The following MYH11 variants were observed in gnomAD, a reference collection of about 807,000 sequenced individuals.
MYH11 encodes myosin-11.
In MYH11, 80 loss-of-function variants were observed where a neutral mutation model predicts 246.6. That is an observed-to-expected ratio of 0.32 (90% confidence interval 0.27 to 0.39). The LOEUF (loss-of-function observed/expected upper bound fraction) is 0.39, where lower values mean the gene tolerates loss of function less well. Among genes scored for constraint, MYH11 ranks in the 10% least tolerant of loss-of-function variants. The pLI is 1.00. For synonymous variants in MYH11, 1,071 were observed against 1,015.5 expected (o/e 1.05, Z -1.04); for missense variants, 2,158 against 2,546.8 (o/e 0.85, Z 3.29).
At chr16:15,796,219 T>A (rs116516726) in intron 4 of MYH11, among the ~76,000 whole-genome samples, 2,767 of 152,314 alleles carry the variant, frequency 0.018, 82 homozygotes, top group African/African-American at 0.061. Flanking sequence ...AGTTCTGCAA[T>A]ATACTTGCCA....
intron 15 of MYH11, among the ~76,000 whole-genome samples, chr16:15,751,155 TA>T (rs72257222): frequency 7.8e-6 from 1 of 127,570 alleles, no homozygotes; most frequent in African/African-American, 2.7e-5. Context: ...TTATTATTAT[TA>T]TTATCATTAT....
At chr16:15,723,569 C>G (rs1378042422) in intron 31 of MYH11, among the ~76,000 whole-genome samples, 2 of 152,196 alleles carry the variant, frequency 1.3e-5, no homozygotes, top group East Asian at 3.8e-4. Context: ...ATCGCTTGAA[C>G]CCAGTGGTGG....
intron 2 of MYH11, among the ~76,000 whole-genome samples, chr16:15,833,377 G>GAGGGAGGAAGGAAGGA (rs1555458560): frequency 3.9e-5 from 2 of 50,930 alleles, no homozygotes; most frequent in African/African-American, 2.4e-4. Flanking sequence ...GAGAGGGAGG[G>GAGGGAGGAAGGAAGGA]AGGGAGGGAG....
chr16:15,763,741 T>TGGGCCCCCCCC, intron 10 of MYH11, 55 bp downstream of exon 10: 1 of 646,856 alleles, frequency 1.5e-6, no homozygotes, highest in Non-Finnish European at 2.9e-6. Flanking sequence ...AAATGTCACC[T>TGGGCCCCCCCC]CCCCCACCCC....
intron 15 of MYH11, among the ~76,000 whole-genome samples, chr16:15,751,594 A>T (rs1329472248): frequency 6.9e-6 from 1 of 144,416 alleles, no homozygotes. Flanking sequence ...TTCTACTCAG[A>T]TTCTGTGTAA....
At chr16:15,725,354 G>C in intron 28 of MYH11, 1 of 558,318 alleles carries the variant, frequency 1.8e-6, no homozygotes, top group Non-Finnish European at 3.1e-6. Context: ...GTCCAGACGA[G>C]GTGCTCTGGC....
Position 15,756,392 on chromosome 16 carries a change from G to A in MYH11, c.1698C>T (p.Pro566=). Residue 566 remains proline, a synonymous_variant, in exon 14 of 41, where the codon CCC becomes CCT. Coordinates refer to ENST00000300036, the MANE Select transcript of MYH11 (RefSeq NM_002474.3). ...EQGSHPKFQK[P]KQLKDKTEFS... ...ACTCAGTCTTGTCCTTGAGCTGCTT[G>A]GGCTTCTGGAACTTGGGGTGGCTGC... 1 of 1,614,134 alleles carries A rather than the reference G, an allele frequency of 6.2e-7. No individual in the cohort carries two copies. The highest frequency in any genetic ancestry group is 8.5e-7 in the Non-Finnish European group (1 of 1,180,028).
intron 14 of MYH11, among the ~76,000 whole-genome samples, chr16:15,755,542 A>G (rs2041689310): frequency 6.6e-6 from 1 of 152,196 alleles, no homozygotes. Flanking sequence ...TAATCCCAGC[A>G]CTTCAGGAAG....
intron 3 of MYH11, among the ~76,000 whole-genome samples, chr16:15,818,535 C>G (rs1222966157): frequency 6.6e-6 from 1 of 152,022 alleles, no homozygotes; most frequent in Non-Finnish European, 1.5e-5. Flanking sequence ...TGGGTTCACA[C>G]CATTCTCCTG....
chr16:15,832,056 G>A (rs187130426), intron 2 of MYH11, among the ~76,000 whole-genome samples: 2 of 152,222 alleles, frequency 1.3e-5, no homozygotes, highest in East Asian at 3.9e-4. Context: ...GGAGGCCTCT[G>A]TTCACAATCT....
chr16:15,739,868 A>C (rs944222972), intron 23 of MYH11, among the ~76,000 whole-genome samples, 183 bp downstream of exon 23: 2 of 151,980 alleles, frequency 1.3e-5, no homozygotes, highest in African/African-American at 4.8e-5. Context: ...CAGCCTCCCA[A>C]GTGGCTGGGA....
chr16:15,822,369 C>T (rs2043437412), intron 3 of MYH11, among the ~76,000 whole-genome samples: 1 of 152,038 alleles, frequency 6.6e-6, no homozygotes, highest in Non-Finnish European at 1.5e-5. Context: ...TCAGGGGCTC[C>T]AAAGTGTTCT....
intron 5 of MYH11, among the ~76,000 whole-genome samples, chr16:15,784,313 T>C (rs2042418842): frequency 6.6e-6 from 1 of 152,030 alleles, no homozygotes; most frequent in Admixed American, 6.5e-5. Flanking sequence ...CAGGGAAGCT[T>C]TGGGGCCTGA....
intron 3 of MYH11, among the ~76,000 whole-genome samples, chr16:15,807,019 G>A (rs920936591): frequency 2.0e-5 from 3 of 152,070 alleles, no homozygotes; most frequent in Admixed American, 1.3e-4. Context: ...CTGAAGTGCA[G>A]TAGCACGATC....
intron 16 of MYH11, among the ~76,000 whole-genome samples, chr16:15,748,530 G>C (rs2151261472): frequency 6.6e-6 from 1 of 152,026 alleles, no homozygotes; most frequent in African/African-American, 2.4e-5. Context: ...CACCACCATT[G>C]TCTCCACTAT....
intron 3 of MYH11, among the ~76,000 whole-genome samples, chr16:15,804,875 G>A (rs891773992): frequency 9.2e-5 from 14 of 152,262 alleles, no homozygotes; most frequent in Middle Eastern, 3.4e-3. Context: ...CACATTGTAC[G>A]GATGGATCAT....
intron 28 of MYH11, chr16:15,725,634 G>T (rs1265003834): frequency 1.0e-5 from 4 of 400,922 alleles, no homozygotes; most frequent in Non-Finnish European, 1.8e-5. Context: ...CTGCTTATAT[G>T]AGGGCGGCAA....
chr16:15,753,425 G>T lies in MYH11; in HGVS notation c.1833C>A (p.Ser611=). 1 of 1,614,104 alleles carries T rather than the reference G, an allele frequency of 6.2e-7. No homozygotes were observed. Among genetic ancestry groups the T allele is most frequent in the South Asian group, 1.1e-5 (1 of 91,066 alleles). The stretch of plus-strand genomic sequence containing the variant: ...TCCACAGGTCGGCCACAAACTTGTC[G>T]GAGGAGGCATTGAGCAGGGAAGTCA... ...DNVTSLLNAS[S]DKFVADLWKD... Residue 611 remains serine, a synonymous_variant, in exon 15 of 41, where the codon TCC becomes TCA. Coordinates refer to ENST00000300036, the MANE Select transcript of MYH11 (RefSeq NM_002474.3).
At chr16:15,841,838 G>A (rs2044060209) in intron 1 of MYH11, among the ~76,000 whole-genome samples, 2 of 152,138 alleles carry the variant, frequency 1.3e-5, no homozygotes, top group Admixed American at 6.6e-5. Context: ...TCTATGCGTG[G>A]TTGACATCCC....
Sources: gnomAD v4.1 joint callset for allele counts (sites outside exome capture counted in the v4.1 genomes callset) on GRCh38, gnomAD v4.1.1 for gene constraint, MANE v1.5 for transcripts, NCBI Gene and HGNC (gene_info 2026-07-23, HGNC 2026-07-21) for gene names.